Variants in MB observed in about 807,000 individuals in gnomAD.
MB encodes nitrite reductase MB.
In MB, 10 loss-of-function variants were observed where a neutral mutation model predicts 14.5. The ratio of observed to expected loss-of-function variants is 0.69; its 90% CI spans 0.43 to 1.17. MB has a LOEUF of 1.17. Ranked by LOEUF, MB falls within the 50% of genes most tolerant of loss-of-function variation. MB has a pLI of 0.00. For missense variants in MB, 169 were observed against 192.7 expected (o/e 0.88, Z 0.73); for synonymous variants, 89 against 78.6 (o/e 1.13, Z -0.70).
chr22:35,609,837 G>GTAAC (rs1182569091), intron 2 of MB, among the ~76,000 whole-genome samples: 11 of 152,168 alleles, frequency 7.2e-5, no homozygotes, highest in African/African-American at 2.7e-4. Context: ...GGATGGCTCC[G>GTAAC]TAACTAACTT....
At chr22:35,613,917 AG>A (rs1390705766) in intron 1 of MB, among the ~76,000 whole-genome samples, 1 of 152,188 alleles carries the variant, frequency 6.6e-6, no homozygotes. Context: ...GGAGCCCCCC[AG>A]GCAGCCACAG....
In MB at chr22:35,617,206, C is replaced by A. The variant is rs1269402659; in HGVS notation, c.52G>T (p.Val18Leu). ...WQLVLNVWGK[V>L]EADIPGHGQE... ...CCATGGCCTGGGATGTCAGCCTCCA[C>A]CTTCCCCCAGACGTTCAGCACCAAC... is the stretch of plus-strand genomic sequence containing the variant. Residue 18 changes from valine (V) to leucine (L), a missense_variant, in exon 1 of 3, where the codon GTG becomes TTG. Physicochemically the swap from Val to Leu is conservative, Grantham distance 32. Coordinates refer to ENST00000397326, the MANE Select transcript of MB (RefSeq NM_005368.3). 2 of 1,614,156 alleles carry A rather than the reference C, an allele frequency of 1.2e-6. No homozygotes were observed. The highest frequency in any genetic ancestry group is 1.7e-6 in the Non-Finnish European group (2 of 1,180,016).
intron 2 of MB, among the ~76,000 whole-genome samples, chr22:35,609,897 C>T (rs1166707785): frequency 6.6e-6 from 1 of 152,144 alleles, no homozygotes; most frequent in Non-Finnish European, 1.5e-5. Flanking sequence ...TCTGGGACTC[C>T]TTAAACTCCT....
intron 1 of MB, among the ~76,000 whole-genome samples, chr22:35,613,176 C>T (rs114828455): frequency 0.02 from 3,054 of 152,340 alleles, 110 homozygotes; most frequent in African/African-American, 0.07. Flanking sequence ...CATGCACAGG[C>T]GATGGTCAGA....
intron 1 of MB, among the ~76,000 whole-genome samples, chr22:35,613,356 C>T (rs941555969): frequency 4.6e-5 from 7 of 152,202 alleles, no homozygotes; most frequent in African/African-American, 1.7e-4. Flanking sequence ...CCAGTTCTGG[C>T]GCCAATGTGC....
Position 35,622,642 on chromosome 22 carries a change from A to T in MB, c.-9+549T>A, listed in dbSNP as rs372463025. On this transcript the variant is annotated intron_variant, in intron 1 of 3. Coordinates refer to the MB transcript ENST00000359787. ...TCTCCCTGCAGGCCCAGAGGGGCTT[A>T]TTGGAGGAGGGCTGGCAGGGACACA... is the stretch of plus-strand genomic sequence containing the variant. 21 of 152,520 alleles carry T rather than the reference A, an allele frequency of 1.4e-4. 1 individual carries two copies. The highest frequency in any genetic ancestry group is 5.1e-4 in the African/African-American group (21 of 41,554). The allele number at this position is 152,520 out of a possible 1,614,324, so 9.4% of individuals were successfully genotyped here. A position where few individuals can be genotyped will look rare whatever the true frequency, so the allele number is the denominator to read the frequency against.
chr22:35,611,381 G>A (rs983716680), intron 1 of MB, among the ~76,000 whole-genome samples: 8 of 152,168 alleles, frequency 5.3e-5, no homozygotes, highest in Admixed American at 1.3e-4. Flanking sequence ...TGTGGAAACC[G>A]AGGTTCTGAG....
intron 1 of MB, among the ~76,000 whole-genome samples, chr22:35,614,725 T>G (rs1922930688): frequency 7.7e-6 from 1 of 130,212 alleles, no homozygotes; most frequent in Non-Finnish European, 1.6e-5. Context: ...CTCCTCCTCA[T>G]CATCTCTACC....
upstream of MB, chr22:35,617,507 T>C (rs1251809606): frequency 3.8e-6 from 2 of 527,214 alleles, no homozygotes; most frequent in African/African-American, 3.9e-5. Context: ...GCAGGTGCCA[T>C]TGTGGCGAGG....
chr22:35,620,641 G>T (rs59966729), upstream of MB, among the ~76,000 whole-genome samples: 1 of 152,348 alleles, frequency 6.6e-6, no homozygotes, highest in South Asian at 2.1e-4. Context: ...TGCCTGGTGC[G>T]CTGGGGAAGG....
intron 2 of MB, among the ~76,000 whole-genome samples, chr22:35,607,856 G>T (rs992055516): frequency 4.6e-5 from 7 of 152,186 alleles, no homozygotes; most frequent in African/African-American, 1.4e-4. Flanking sequence ...TTTCATTATT[G>T]TATTCAGGAT....
rs141851939 is a variant in MB, at chr22:35,608,482, C to A, written c.319-1039G>T. Among the ~76,000 whole-genome samples the A allele has an allele frequency of 3.3e-5, 5 of 152,240 alleles. No individual in the cohort carries two copies. In the South Asian group the frequency reaches 1.0e-3, roughly 32 times the overall value. On this transcript the variant is annotated intron_variant, in intron 2 of 2. Transcript: ENST00000397326. This position sits in a 1 kb window ranked among gnomAD's most constrained non-coding sequence, Gnocchi z 4.3. ...AAGTGACATAAAGCAGGGATAGTCGCGGGTGGGACATGCAAAGGGAGGCCT... is the reference window on the plus strand; with the variant it reads ...AAGTGACATAAAGCAGGGATAGTCGAGGGTGGGACATGCAAAGGGAGGCCT...
At chr22:35,614,903 T>C (rs948487560) in intron 1 of MB, among the ~76,000 whole-genome samples, 1 of 151,426 alleles carries the variant, frequency 6.6e-6, no homozygotes. Context: ...AATCCTTTGT[T>C]CCCCCCGCTC....
Position 35,608,673 on chromosome 22 carries a change from G to C in MB, c.319-1230C>G, listed in dbSNP as rs1008246041. On this transcript the variant is annotated intron_variant, in intron 2 of 2. Coordinates refer to ENST00000397326, the MANE Select transcript of MB (RefSeq NM_005368.3). The surrounding 1 kb of genome is among the most constrained non-coding windows in gnomAD (Gnocchi z 4.3). Reference sequence around the variant, plus strand: ...TGTCATGGAGCAAGCCCTGTCCTTAGAGAACTTGAGAGAATCAAGTTCCAG... The same window carrying C: ...TGTCATGGAGCAAGCCCTGTCCTTACAGAACTTGAGAGAATCAAGTTCCAG... Among the ~76,000 whole-genome samples the C allele has an allele frequency of 6.6e-6, 1 of 152,192 alleles. No individual in the cohort carries two copies. The highest frequency in any genetic ancestry group is 2.1e-4 in the South Asian group (1 of 4,828).
exon 1 of MB, chr22:35,623,301 C>A (rs971002575): frequency 6.6e-6 from 1 of 152,300 alleles, no homozygotes; most frequent in Admixed American, 6.5e-5. Context: ...GTCCTTCCCC[C>A]TCACTCTCTC....
chr22:35,614,612 A>C (rs1246884960), intron 1 of MB, among the ~76,000 whole-genome samples: 1 of 152,200 alleles, frequency 6.6e-6, no homozygotes, highest in Non-Finnish European at 1.5e-5. Flanking sequence ...TGTGGTGATC[A>C]TAATCATATC....
chr22:35,616,255 T>C (rs1179160663), intron 1 of MB, among the ~76,000 whole-genome samples: 1 of 152,158 alleles, frequency 6.6e-6, no homozygotes, highest in East Asian at 1.9e-4. Context: ...GTGTATCACC[T>C]TTGGGATAGA....
intron 1 of MB, among the ~76,000 whole-genome samples, chr22:35,614,018 G>C (rs1035542101): frequency 1.3e-5 from 2 of 152,224 alleles, no homozygotes; most frequent in African/African-American, 4.8e-5. Flanking sequence ...GTTTGCTCTA[G>C]TATTTCAGAA....
At chr22:35,615,494 C>T (rs45576932) in intron 1 of MB, 10 of 152,422 alleles carry the variant, frequency 6.6e-5, no homozygotes, top group East Asian at 5.8e-4. Context: ...TCTTTCAAGA[C>T]GTACAAGTCA....
Sources: gnomAD v4.1 joint callset for allele counts (sites outside exome capture counted in the v4.1 genomes callset) on GRCh38, gnomAD v4.1.1 for gene constraint, Gnocchi (gnomAD v3.1) non-coding constraint, MANE v1.5 for transcripts, NCBI Gene and HGNC (gene_info 2026-07-23, HGNC 2026-07-21) for gene names.